C21orf91: variants seen among roughly 807,000 people sequenced by gnomAD.
C21orf91 encodes chromosome 21 open reading frame 91.
A neutral mutation model predicts 32.9 loss-of-function variants in C21orf91; 26 were observed. The observed-to-expected ratio is 0.79, with a 90% CI of 0.58 to 1.10. The LOEUF (loss-of-function observed/expected upper bound fraction) is 1.10, where lower values mean the gene tolerates loss of function less well. C21orf91 is among the 50% of genes least tolerant of loss of function. The probability of loss-of-function intolerance (pLI) is 0.00; values close to 1 mark genes in which losing one functional copy is unlikely to be tolerated. For synonymous variants in C21orf91, 126 were observed against 120.4 expected (o/e 1.05, Z -0.31); for missense variants, 310 against 341.3 (o/e 0.91, Z 0.72).
At position 17,789,255 on chromosome 21, in the gene C21orf91, ACACACACAC is replaced by A. The variant is rs769046556; in HGVS notation, c.*4151_*4159del. On this transcript the variant is annotated 3_prime_UTR_variant, in exon 5 of 5. Transcript: ENST00000284881. ...ACGCTACTGTTTTAAAGCAAGGTTC[ACACACACAC>A]ACACACACACACACACACACACAAA... The A allele has an allele frequency of 0.2, 29,372 of 149,600 alleles. 3,113 individuals carry two copies. The highest frequency in any genetic ancestry group is 0.39 in the East Asian group (2,013 of 5,108). The allele number at this position is 149,600 out of a possible 1,614,324, so 9.3% of individuals were successfully genotyped here. A position where few individuals can be genotyped will look rare whatever the true frequency, so the allele number is the denominator to read the frequency against.
At chr21:17,812,625 C>T (rs913255667) in intron 2 of C21orf91, among the ~76,000 whole-genome samples, 56 of 152,124 alleles carry the variant, frequency 3.7e-4, no homozygotes, top group Admixed American at 3.3e-3. Context: ...CTGGCTAACA[C>T]GGTGAAACCC....
In C21orf91 at chr21:17,789,046, C is replaced by G. The variant is rs2062449995; in HGVS notation, c.*4369G>C. 1 of 152,030 alleles carries G rather than the reference C, an allele frequency of 6.6e-6. No individual in the cohort carries two copies. The highest frequency in any genetic ancestry group is 2.4e-5 in the African/African-American group (1 of 41,406). 9.4% of individuals were successfully genotyped at this position (152,030 alleles called of 1,614,324 possible). A position where few individuals can be genotyped will look rare whatever the true frequency, so the allele number is the denominator to read the frequency against. On this transcript the variant is annotated 3_prime_UTR_variant, in exon 5 of 5. Transcript: ENST00000284881. ...GCATATATACAGTTCCCAAGCAGAGCAATACAAATATATAAATTATTGCAG... is the reference window on the plus strand; with the variant it reads ...GCATATATACAGTTCCCAAGCAGAGGAATACAAATATATAAATTATTGCAG...
In C21orf91 at chr21:17,808,702, G is replaced by A. The variant is rs571305992; in HGVS notation, c.127+9490C>T. On this transcript the variant is annotated intron_variant, in intron 2 of 4. Transcript: ENST00000284881. ...TGTCTCTCAGATGAGACTTTGGACT[G>A]TGGACTTTTGAGTTAATGCTAAAAT... 2.6e-5 allele frequency among the ~76,000 whole-genome samples: 4 copies of A among 152,312 alleles called. No homozygotes were observed. In the South Asian group the frequency reaches 6.2e-4, roughly 24 times the overall value.
chr21:17,789,253 T>TAACACACACACACACACACACACA lies in C21orf91; in HGVS notation c.*4161_*4162insTGTGTGTGTGTGTGTGTGTGTGTT, dbSNP rs201696665. On this transcript the variant is annotated 3_prime_UTR_variant, in exon 5 of 5. Transcript: ENST00000284881. ...ATACGCTACTGTTTTAAAGCAAGGT[T>TAACACACACACACACACACACACA]CACACACACACACACACACACACAC... The TAACACACACACACACACACACACA allele has an allele frequency of 4.0e-5, 6 of 149,734 alleles. No homozygotes were observed. Among genetic ancestry groups the TAACACACACACACACACACACACA allele is most frequent in the African/African-American group, 1.5e-4 (6 of 40,428 alleles). 9.3% of individuals were successfully genotyped at this position (149,734 alleles called of 1,614,324 possible).
chr21:17,812,751 G>A (rs1390356805), intron 2 of C21orf91, among the ~76,000 whole-genome samples: 1 of 152,076 alleles, frequency 6.6e-6, no homozygotes, highest in Non-Finnish European at 1.5e-5. Flanking sequence ...GGAGCTTGCA[G>A]TGAGCCGAGA....
intron 2 of C21orf91, among the ~76,000 whole-genome samples, chr21:17,813,342 G>A (rs2062645166): frequency 6.6e-6 from 1 of 152,160 alleles, no homozygotes; most frequent in Non-Finnish European, 1.5e-5. Flanking sequence ...ATTGGTCCCT[G>A]ACTACTGACC....
chr21:17,817,899 C>T (rs751592348), intron 2 of C21orf91: 19 of 233,456 alleles, frequency 8.1e-5, no homozygotes, highest in Non-Finnish European at 1.3e-4. Flanking sequence ...TCTGACAATT[C>T]AATAAGCTCT....
intron 2 of C21orf91, among the ~76,000 whole-genome samples, chr21:17,807,110 A>G (rs1028772953): frequency 2.6e-5 from 4 of 152,176 alleles, no homozygotes; most frequent in Non-Finnish European, 5.9e-5. Context: ...TCTACTGTGT[A>G]GTAGAAATAA....
At chr21:17,816,897 C>A (rs2146265377) in intron 2 of C21orf91, among the ~76,000 whole-genome samples, 1 of 152,326 alleles carries the variant, frequency 6.6e-6, no homozygotes, top group East Asian at 1.9e-4. Flanking sequence ...TACAAGCCAA[C>A]TCTATTTCCA....
chr21:17,818,751 G>C (rs2062683821), intron 1 of C21orf91: 1 of 154,324 alleles, frequency 6.5e-6, no homozygotes, highest in Non-Finnish European at 1.4e-5. Flanking sequence ...ACACTGCTTT[G>C]CTAACTTCAT....
At chr21:17,794,792 C>T (rs542946558) in intron 4 of C21orf91, among the ~76,000 whole-genome samples, 282 of 152,050 alleles carry the variant, frequency 1.9e-3, no homozygotes, top group African/African-American at 6.4e-3. Flanking sequence ...TGTGGCTGGG[C>T]GCAGTGGCTC....
At chr21:17,799,250 C>G (rs2062542613) in intron 2 of C21orf91, among the ~76,000 whole-genome samples, 1 of 152,112 alleles carries the variant, frequency 6.6e-6, no homozygotes, top group South Asian at 2.1e-4. Context: ...TAATAGATAT[C>G]TATTTGAAGA....
In C21orf91 at chr21:17,795,194, A is replaced by T. The variant is rs545155252; in HGVS notation, c.727+14T>A. ...ATTTGTCACACACAAAAAAGTACTG[A>T]CAGTGATTCTTACCCTGGATTTGCT... is the stretch of plus-strand genomic sequence containing the variant. On this transcript the variant is annotated intron_variant, in intron 4 of 4. Coordinates refer to ENST00000284881, the MANE Select transcript of C21orf91 (RefSeq NM_001100420.2). 4.4e-5 allele frequency: 70 copies of T among 1,579,350 alleles called. No individual in the cohort carries two copies. Among genetic ancestry groups the T allele is most frequent in the Admixed American group, 1.8e-4 (11 of 59,952 alleles).
At chr21:17,815,072 A>T (rs530945737) in intron 2 of C21orf91, among the ~76,000 whole-genome samples, 2 of 152,318 alleles carry the variant, frequency 1.3e-5, no homozygotes, top group African/African-American at 4.8e-5. Flanking sequence ...GTTCAACAAG[A>T]TTAGATTGTC....
At chr21:17,797,208 T>A (rs1351954884) in intron 2 of C21orf91, 90 bp from the exon 3 acceptor site, 1 of 746,552 alleles carries the variant, frequency 1.3e-6, no homozygotes, top group Admixed American at 2.7e-5. Context: ...AAAATCAGAG[T>A]CCCTGATAGT....
At chr21:17,809,550 T>TTTAA (rs1424076921) in intron 2 of C21orf91, among the ~76,000 whole-genome samples, 13 of 152,344 alleles carry the variant, frequency 8.5e-5, no homozygotes, top group African/African-American at 3.1e-4. Context: ...TTAGGACAGA[T>TTTAA]ATTAAAAATG....
At chr21:17,818,619 GTCC>G (rs2062682447) in intron 1 of C21orf91, among the ~76,000 whole-genome samples, 1 of 152,260 alleles carries the variant, frequency 6.6e-6, no homozygotes, top group African/African-American at 2.4e-5. Flanking sequence ...CGGCATTCTA[GTCC>G]TCCTCCTTCG....
At chr21:17,801,628 G>A (rs1048162818) in intron 2 of C21orf91, among the ~76,000 whole-genome samples, 1 of 151,026 alleles carries the variant, frequency 6.6e-6, no homozygotes, top group Non-Finnish European at 1.5e-5. Context: ...CACATGGAAA[G>A]GAACATAACA....
At chr21:17,798,531 C>T (rs904830878) in intron 2 of C21orf91, among the ~76,000 whole-genome samples, 1 of 152,064 alleles carries the variant, frequency 6.6e-6, no homozygotes, top group African/African-American at 2.4e-5. Flanking sequence ...TTGTTTTTTC[C>T]AATGAGTACA....
Sources: gnomAD v4.1 joint callset for allele counts (sites outside exome capture counted in the v4.1 genomes callset) on GRCh38, gnomAD v4.1.1 for gene constraint, MANE v1.5 for transcripts, NCBI Gene and HGNC (gene_info 2026-07-23, HGNC 2026-07-21) for gene names.